CNTN4: variants seen among roughly 807,000 people sequenced by gnomAD.
CNTN4 encodes the protein contactin 4.
A neutral mutation model predicts 122.5 loss-of-function variants in CNTN4; 77 were observed. The ratio of observed to expected loss-of-function variants is 0.63; its 90% CI spans 0.52 to 0.76. CNTN4 has a LOEUF of 0.76. Among genes scored for constraint, CNTN4 ranks in the 30% least tolerant of loss-of-function variants. The probability of loss-of-function intolerance (pLI) is 0.00; values close to 1 mark genes in which losing one functional copy is unlikely to be tolerated. For synonymous variants in CNTN4, 512 were observed against 447.0 expected, an observed-to-expected ratio of 1.15 and a Z score of -1.83; for missense variants, 1,256 against 1,259.1, an observed-to-expected ratio of 1.00 and a Z score of 0.04.
chr3:2,243,346 G>A (rs1308849266), intron 2 of CNTN4, among the ~76,000 whole-genome samples: 2 of 152,108 alleles, frequency 1.3e-5, no homozygotes, highest in Non-Finnish European at 2.9e-5. Context: ...AAGAGGTTCT[G>A]TTAGAAGTGG....
chr3:3,046,405 G>A, intron 23 of CNTN4, among the ~76,000 whole-genome samples: 2 of 152,330 alleles, frequency 1.3e-5, no homozygotes, highest in East Asian at 3.9e-4. Flanking sequence ...ACAAAGGGAA[G>A]CCCATCAGAC....
intron 12 of CNTN4, among the ~76,000 whole-genome samples, chr3:2,916,429 A>G (rs1458439677): frequency 6.7e-6 from 1 of 149,722 alleles, no homozygotes; most frequent in South Asian, 2.2e-4. Context: ...GCCTTCAAGC[A>G]TCTGTTTAAC....
intron 2 of CNTN4, among the ~76,000 whole-genome samples, chr3:2,318,291 A>G (rs1366370855): frequency 6.6e-6 from 1 of 152,048 alleles, no homozygotes; most frequent in Non-Finnish European, 1.5e-5. Flanking sequence ...TGTATACTAT[A>G]TAGGAAAAGA....
At chr3:2,601,649 C>A (rs2600302) in intron 4 of CNTN4, among the ~76,000 whole-genome samples, 25,147 of 152,010 alleles carry the variant, frequency 0.17, 2,540 homozygotes, top group African/African-American at 0.28. Context: ...TGATGCCTCC[C>A]GCTTTGTTCT....
intron 4 of CNTN4, among the ~76,000 whole-genome samples, chr3:2,669,314 T>C (rs966821368): frequency 6.6e-6 from 1 of 152,214 alleles, no homozygotes; most frequent in Admixed American, 6.5e-5. Context: ...CCTGGTTTAG[T>C]CTTGGGAGGG....
At chr3:2,124,945 C>T (rs544235245) in intron 2 of CNTN4, among the ~76,000 whole-genome samples, 1 of 152,284 alleles carries the variant, frequency 6.6e-6, no homozygotes, top group African/African-American at 2.4e-5. Context: ...TGCCCCCGCT[C>T]CATGTTTTTA....
chr3:2,887,083 A>G lies in CNTN4; in HGVS notation c.799A>G (p.Ile267Val), dbSNP rs2093987580. ...CTGGCGAAGAGCTGATGGAAAGCCA[A>G]TAGCAAGGAAAGCCAGAAGACACAA... ...IIWRRADGKP[I>V]ARKARRHKSN... Residue 267 changes from isoleucine to valine, a missense_variant, in exon 10 of 25, where the codon ATA (isoleucine) becomes GTA (valine). By Grantham distance (29) the Ile-to-Val change is conservative. Coordinates refer to ENST00000418658, the MANE Select transcript of CNTN4 (RefSeq NM_175607.3). 9 of 1,614,146 alleles carry G rather than the reference A, an allele frequency of 5.6e-6. No individual in the cohort carries two copies. Among genetic ancestry groups the G allele is most frequent in the Non-Finnish European group, 2.5e-6 (3 of 1,180,016 alleles).
chr3:2,909,106 GA>G (rs1049241358), intron 12 of CNTN4, among the ~76,000 whole-genome samples: 2 of 152,222 alleles, frequency 1.3e-5, no homozygotes, highest in African/African-American at 4.8e-5. Context: ...ATCTGCATCT[GA>G]TTTCTCAACT....
intron 4 of CNTN4, among the ~76,000 whole-genome samples, chr3:2,684,353 G>C (rs1185678960): frequency 1.3e-5 from 2 of 152,262 alleles, no homozygotes; most frequent in Non-Finnish European, 2.9e-5. Context: ...ACAGCTAGGG[G>C]AGTAAGGAAA....
intron 3 of CNTN4, among the ~76,000 whole-genome samples, chr3:2,520,147 T>C (rs1013777404): frequency 3.9e-5 from 6 of 152,092 alleles, no homozygotes; most frequent in Admixed American, 6.6e-5. Context: ...ATAGACTATA[T>C]TGTAGTTACT....
At chr3:2,319,846 A>G (rs1002000849) in intron 2 of CNTN4, among the ~76,000 whole-genome samples, 8 of 152,218 alleles carry the variant, frequency 5.3e-5, no homozygotes, top group African/African-American at 1.9e-4. Context: ...TGGTGTATAT[A>G]GAGACCCTGT....
At chr3:2,325,974 T>C (rs2150246534) in intron 2 of CNTN4, among the ~76,000 whole-genome samples, 1 of 152,318 alleles carries the variant, frequency 6.6e-6, no homozygotes, top group South Asian at 2.1e-4. Context: ...AAAGAATAAA[T>C]ATTTCTTTTA....
intron 2 of CNTN4, among the ~76,000 whole-genome samples, chr3:2,102,093 C>T (rs1201967812): frequency 6.6e-6 from 1 of 152,044 alleles, no homozygotes; most frequent in Non-Finnish European, 1.5e-5. Context: ...CTTAGATCTC[C>T]CAAAGTAGAC....
At chr3:2,209,746 A>G (rs1484449600) in intron 2 of CNTN4, among the ~76,000 whole-genome samples, 1 of 152,170 alleles carries the variant, frequency 6.6e-6, no homozygotes, top group Non-Finnish European at 1.5e-5. Flanking sequence ...TAACAGAAGT[A>G]ATAAGTACAA....
At chr3:2,813,549 T>C (rs563464100) in intron 6 of CNTN4, among the ~76,000 whole-genome samples, 9 of 152,300 alleles carry the variant, frequency 5.9e-5, no homozygotes, top group African/African-American at 2.2e-4. Flanking sequence ...TCATTAACCT[T>C]TCCTGGCCAT....
intron 4 of CNTN4, among the ~76,000 whole-genome samples, chr3:2,711,868 T>G (rs1273061175): frequency 2.0e-5 from 3 of 152,336 alleles, no homozygotes; most frequent in East Asian, 3.9e-4. Context: ...TATCATTAGT[T>G]AGGGACAGAG....
intron 13 of CNTN4, among the ~76,000 whole-genome samples, chr3:2,985,856 T>A (rs2125257562): frequency 6.6e-6 from 1 of 151,924 alleles, no homozygotes; most frequent in East Asian, 1.9e-4. Flanking sequence ...AGAAAATATA[T>A]TAAAATGATG....
intron 4 of CNTN4, among the ~76,000 whole-genome samples, chr3:2,648,420 G>T (rs1043768231): frequency 3.3e-5 from 5 of 152,092 alleles, no homozygotes; most frequent in African/African-American, 1.2e-4. Context: ...GTATCTCAGT[G>T]TCACATTTTT....
At chr3:2,721,827 A>G (rs114543317) in intron 4 of CNTN4, among the ~76,000 whole-genome samples, 1,681 of 152,228 alleles carry the variant, frequency 0.011, 30 homozygotes, top group African/African-American at 0.038. Context: ...TTAAGTTCAT[A>G]TGTTGAAATC....
Sources: gnomAD v4.1 joint callset for allele counts (sites outside exome capture counted in the v4.1 genomes callset) on GRCh38, gnomAD v4.1.1 for gene constraint, MANE v1.5 for transcripts, NCBI Gene and HGNC (gene_info 2026-07-23, HGNC 2026-07-21) for gene names.